The following DACH2 variants were observed in gnomAD, a reference collection of about 807,000 sequenced individuals.
DACH2 encodes the protein dachshund family transcription factor 2.
A neutral mutation model predicts 35.8 loss-of-function variants in DACH2; 17 were observed. That is an observed-to-expected ratio of 0.48 (90% CI 0.33 to 0.71). DACH2 has a LOEUF of 0.71. Ranked by LOEUF, DACH2 falls within the 30% of genes least tolerant of loss-of-function variation. The probability of loss-of-function intolerance (pLI) is 0.02; values close to 1 mark genes in which losing one functional copy is unlikely to be tolerated. For missense variants in DACH2, 469 were observed against 472.7 expected, an observed-to-expected ratio of 0.99 and a Z score of 0.07; for synonymous variants, 195 against 177.3, an observed-to-expected ratio of 1.10 and a Z score of -0.79.
At chrX:86,704,399 G>A (rs2041184336) in intron 5 of DACH2, among the ~76,000 whole-genome samples, 1 of 111,155 alleles carries the variant, frequency 9.0e-6, no homozygotes, top group South Asian at 3.7e-4. Flanking sequence ...AAGAGCTTGT[G>A]ATTAAGACCG....
At chrX:86,782,529 A>G (rs1461968512) in intron 7 of DACH2, among the ~76,000 whole-genome samples, 1 of 111,738 alleles carries the variant, frequency 8.9e-6, no homozygotes, top group Non-Finnish European at 1.9e-5. Flanking sequence ...TAGTGTCCAA[A>G]ACAGAATGGT....
At chrX:86,181,493 T>C (rs67360349) in intron 1 of DACH2, among the ~76,000 whole-genome samples, 7,522 of 111,171 alleles carry the variant, frequency 0.068, 630 homozygotes, top group African/African-American at 0.23. Flanking sequence ...TCTTCGTTCA[T>C]GTCCCTGAAA....
At chrX:86,705,366 C>T (rs1220953065) in intron 5 of DACH2, among the ~76,000 whole-genome samples, 1 of 109,517 alleles carries the variant, frequency 9.1e-6, no homozygotes, top group Non-Finnish European at 1.9e-5. Context: ...ATGGGTGCAA[C>T]AAAATCTCAG....
chrX:86,661,635 T>G (rs2040606257), intron 4 of DACH2, among the ~76,000 whole-genome samples: 1 of 112,438 alleles, frequency 8.9e-6, no homozygotes, highest in Admixed American at 9.4e-5. Flanking sequence ...TAAATGATGT[T>G]GCTATAAACA....
At chrX:86,690,737 C>T (rs1363432863) in intron 4 of DACH2, among the ~76,000 whole-genome samples, 1 of 111,627 alleles carries the variant, frequency 9.0e-6, no homozygotes, top group Non-Finnish European at 1.9e-5. Context: ...TACACTGATT[C>T]TAACTAAGAA....
At chrX:86,712,484 T>C (rs1196895995) in intron 5 of DACH2, among the ~76,000 whole-genome samples, 1 of 110,331 alleles carries the variant, frequency 9.1e-6, no homozygotes, top group Non-Finnish European at 1.9e-5. Context: ...GATATATTAA[T>C]TAGCTTTATT....
At chrX:86,244,079 C>G (rs778836550) in intron 1 of DACH2, among the ~76,000 whole-genome samples, 73 of 112,081 alleles carry the variant, frequency 6.5e-4, no homozygotes, top group Non-Finnish European at 1.2e-3. Flanking sequence ...GTTTGGCCTA[C>G]TGTAATACAT....
chrX:86,213,668 G>C (rs976368767), intron 1 of DACH2, among the ~76,000 whole-genome samples: 3 of 110,550 alleles, frequency 2.7e-5, no homozygotes, highest in African/African-American at 9.8e-5. Flanking sequence ...ATAAAATTCT[G>C]TTCTTGGCTC....
At chrX:86,446,415 G>A (rs1261181007) in intron 2 of DACH2, among the ~76,000 whole-genome samples, 2 of 67,108 alleles carry the variant, frequency 3.0e-5, no homozygotes, top group East Asian at 5.1e-4. Context: ...TCTAGCATTA[G>A]GTATATCTCC....
chrX:86,423,241 C>A (rs1004684901), intron 2 of DACH2, among the ~76,000 whole-genome samples: 2 of 111,116 alleles, frequency 1.8e-5, no homozygotes, highest in Non-Finnish European at 3.8e-5. Context: ...GAGGAACCTC[C>A]AAACTGTTCT....
At position 86,769,302 on chromosome X, in the gene DACH2, G is replaced by A. The variant is rs373937953; in HGVS notation, c.1240+29420G>A. On this transcript the variant is annotated intron_variant, in intron 7 of 11. Transcript: ENST00000373125. ...GAAATCGTGGATGACACAAGTAAAC[G>A]GAAAAGCATTCCATGCTCATGGATT... Among the ~76,000 whole-genome samples, 12 of 111,734 alleles carry A rather than the reference G, an allele frequency of 1.1e-4. No individual in the cohort carries two copies. The East Asian group carries it at 1.7e-3, about 16-fold the overall frequency.
chrX:86,525,790 C>T (rs1448360643), intron 3 of DACH2, among the ~76,000 whole-genome samples: 4 of 111,108 alleles, frequency 3.6e-5, no homozygotes, highest in African/African-American at 1.3e-4. Flanking sequence ...ATCCTCAAAC[C>T]ATCCCCAAAT....
At chrX:86,578,604 G>A (rs1179677950) in intron 3 of DACH2, among the ~76,000 whole-genome samples, 1 of 111,682 alleles carries the variant, frequency 9.0e-6, no homozygotes, top group African/African-American at 3.3e-5. Context: ...GTGTGGACTG[G>A]TAGGTCGTTC....
chrX:86,544,883 A>G (rs899369944), intron 3 of DACH2, among the ~76,000 whole-genome samples: 2 of 112,441 alleles, frequency 1.8e-5, no homozygotes, highest in Admixed American at 9.4e-5. Flanking sequence ...ATGATTTGAT[A>G]TCTCCACCCC....
intron 2 of DACH2, among the ~76,000 whole-genome samples, chrX:86,380,002 A>C (rs1352793871): frequency 9.0e-6 from 1 of 110,988 alleles, no homozygotes. Flanking sequence ...TAATCCTCAA[A>C]GGTAGAGAAT....
At chrX:86,452,361 T>A (rs2037393628) in intron 2 of DACH2, among the ~76,000 whole-genome samples, 1 of 111,581 alleles carries the variant, frequency 9.0e-6, no homozygotes, top group East Asian at 2.8e-4. Context: ...GGAGGAGTCC[T>A]TCGTTTTCAA....
At chrX:86,316,760 G>T (rs1328980725) in intron 1 of DACH2, among the ~76,000 whole-genome samples, 4 of 110,888 alleles carry the variant, frequency 3.6e-5, no homozygotes, top group Non-Finnish European at 7.5e-5. Flanking sequence ...GGCTCCATTT[G>T]CAGCACCATC....
chrX:86,253,018 T>C (rs975748311), intron 1 of DACH2, among the ~76,000 whole-genome samples: 7 of 110,593 alleles, frequency 6.3e-5, no homozygotes, highest in African/African-American at 2.3e-4. Flanking sequence ...TAGAAAACTT[T>C]AAAGACTCCT....
intron 1 of DACH2, chrX:86,161,305 C>G: frequency 8.5e-7 from 1 of 1,182,062 alleles, no homozygotes; most frequent in East Asian, 3.0e-5. Flanking sequence ...ACACCAGCAG[C>G]AACAATCAGG....
Sources: gnomAD v4.1 joint callset for allele counts (sites outside exome capture counted in the v4.1 genomes callset) on GRCh38, gnomAD v4.1.1 for gene constraint, MANE v1.5 for transcripts, NCBI Gene and HGNC (gene_info 2026-07-23, HGNC 2026-07-21) for gene names.